Variants in DOCK2 observed in about 807,000 individuals in gnomAD.
DOCK2 encodes the protein dedicator of cytokinesis 2, also known as dedicator of cytokinesis protein 2.
A neutral mutation model predicts 248.9 loss-of-function variants in DOCK2; 87 were observed. The ratio of observed to expected loss-of-function variants is 0.35; its 90% CI spans 0.29 to 0.42. DOCK2 has a LOEUF of 0.42. Among genes scored for constraint, DOCK2 ranks in the 10% least tolerant of loss-of-function variants. The probability of loss-of-function intolerance (pLI) is 1.00; values close to 1 mark genes in which losing one functional copy is unlikely to be tolerated. For synonymous variants in DOCK2, 805 were observed against 821.6 expected (o/e 0.98, Z 0.35); for missense variants, 1,747 against 2,300.2 (o/e 0.76, Z 4.92).
chr5:169,766,465 T>C (rs1301064214), intron 25 of DOCK2, among the ~76,000 whole-genome samples: 1 of 152,220 alleles, frequency 6.6e-6, no homozygotes, highest in Non-Finnish European at 1.5e-5. Context: ...CTTTATCCAG[T>C]CCACCATCAG....
At chr5:169,872,915 C>T (rs1041682789) in intron 27 of DOCK2, among the ~76,000 whole-genome samples, 36 of 152,282 alleles carry the variant, frequency 2.4e-4, no homozygotes, top group East Asian at 3.9e-4. Flanking sequence ...TGGAATGAAA[C>T]GATAGACATA....
intron 2 of DOCK2, among the ~76,000 whole-genome samples, chr5:169,656,367 A>C (rs1474563819): frequency 1.3e-5 from 2 of 151,240 alleles, no homozygotes; most frequent in Non-Finnish European, 2.9e-5. Context: ...TTTGTCTCCC[A>C]AGCTGGAGTG....
intron 27 of DOCK2, among the ~76,000 whole-genome samples, chr5:169,905,144 A>C (rs1463514146): frequency 6.6e-6 from 1 of 152,212 alleles, no homozygotes; most frequent in Non-Finnish European, 1.5e-5. Flanking sequence ...GAAGGGTTGC[A>C]AACTCACATG....
At chr5:170,025,905 G>A (rs1458863402) in intron 33 of DOCK2, among the ~76,000 whole-genome samples, 1 of 149,072 alleles carries the variant, frequency 6.7e-6, no homozygotes, top group Non-Finnish European at 1.5e-5. Context: ...AAGCTGAACT[G>A]CTGTCTTCAT....
At chr5:169,938,614 G>A (rs759733213) in intron 27 of DOCK2, among the ~76,000 whole-genome samples, 1 of 152,236 alleles carries the variant, frequency 6.6e-6, no homozygotes, top group Non-Finnish European at 1.5e-5. Context: ...GTTGCTCTGA[G>A]TGAATCAGTG....
intron 27 of DOCK2, among the ~76,000 whole-genome samples, chr5:169,880,927 G>A (rs1351571416): frequency 6.6e-6 from 1 of 152,186 alleles, no homozygotes; most frequent in Non-Finnish European, 1.5e-5. Context: ...GCCAAGTAAG[G>A]GCTTGGCATA....
intron 27 of DOCK2, among the ~76,000 whole-genome samples, chr5:169,922,822 A>G (rs1775244475): frequency 6.6e-6 from 1 of 152,164 alleles, no homozygotes. Context: ...TATCTGATAC[A>G]TTCTGGGTGG....
At chr5:169,739,652 C>A (rs1409537382) in intron 22 of DOCK2, among the ~76,000 whole-genome samples, 2 of 152,148 alleles carry the variant, frequency 1.3e-5, no homozygotes, top group African/African-American at 4.8e-5. Flanking sequence ...AATCATCTGG[C>A]AAGCCATTTT....
intron 44 of DOCK2, among the ~76,000 whole-genome samples, chr5:170,058,470 T>C (rs913759481): frequency 1.6e-4 from 24 of 151,850 alleles, no homozygotes; most frequent in South Asian, 6.3e-4. Context: ...ATATGAGGGA[T>C]TGCTATTTTA....
At chr5:170,038,233 G>C (rs1335575219) in intron 36 of DOCK2, among the ~76,000 whole-genome samples, 1 of 152,132 alleles carries the variant, frequency 6.6e-6, no homozygotes, top group African/African-American at 2.4e-5. Flanking sequence ...AAGTACTATA[G>C]GTAATATGGC....
At chr5:169,868,895 G>A (rs574177813) in intron 27 of DOCK2, among the ~76,000 whole-genome samples, 134 of 152,304 alleles carry the variant, frequency 8.8e-4, no homozygotes, top group Middle Eastern at 6.8e-3. Flanking sequence ...CCAACATAGA[G>A]GATGGAGTGA....
At chr5:169,848,269 C>T (rs1203341718) in intron 27 of DOCK2, among the ~76,000 whole-genome samples, 3 of 152,166 alleles carry the variant, frequency 2.0e-5, no homozygotes, top group African/African-American at 7.2e-5. Context: ...TTTGGGGGAA[C>T]AGATTGAGCA....
intron 27 of DOCK2, among the ~76,000 whole-genome samples, chr5:169,849,465 A>G (rs1226659261): frequency 1.3e-5 from 2 of 152,250 alleles, no homozygotes; most frequent in African/African-American, 2.4e-5. Context: ...TTTAAGGATA[A>G]TAATTGAGCA....
intron 22 of DOCK2, among the ~76,000 whole-genome samples, chr5:169,738,569 A>G (rs1029125326): frequency 6.6e-6 from 1 of 152,226 alleles, no homozygotes; most frequent in South Asian, 2.1e-4. Flanking sequence ...GTCCAAAAAC[A>G]GGCTTGGTTT....
intron 27 of DOCK2, among the ~76,000 whole-genome samples, chr5:169,937,952 A>G (rs1215527214): frequency 1.3e-5 from 2 of 152,224 alleles, no homozygotes; most frequent in Admixed American, 1.3e-4. Context: ...GCAGTGTAAC[A>G]GGAGGTGGAC....
At chr5:170,070,443 G>A (rs1757642418) in intron 46 of DOCK2, among the ~76,000 whole-genome samples, 1 of 152,236 alleles carries the variant, frequency 6.6e-6, no homozygotes. Flanking sequence ...GCACTGCACA[G>A]ACGCGCTTTT....
intron 1 of DOCK2, among the ~76,000 whole-genome samples, chr5:169,650,683 C>A (rs1463179324): frequency 2.6e-5 from 4 of 152,128 alleles, no homozygotes; most frequent in African/African-American, 7.2e-5. Context: ...CAATGTGAGT[C>A]CTTGCTGGAG....
chr5:169,657,192 G>A (rs1485986533), intron 2 of DOCK2, among the ~76,000 whole-genome samples: 1 of 152,094 alleles, frequency 6.6e-6, no homozygotes, highest in Non-Finnish European at 1.5e-5. Context: ...AAGTCTTCTT[G>A]GGGTGCCTTG....
intron 27 of DOCK2, among the ~76,000 whole-genome samples, chr5:169,969,317 C>A (rs1260299607): frequency 6.6e-6 from 1 of 151,704 alleles, no homozygotes; most frequent in African/African-American, 2.4e-5. Flanking sequence ...TGGTGTGGGG[C>A]ACTTGTAATC....
Sources: gnomAD v4.1 joint callset for allele counts (sites outside exome capture counted in the v4.1 genomes callset) on GRCh38, gnomAD v4.1.1 for gene constraint, MANE v1.5 for transcripts, NCBI Gene and HGNC (gene_info 2026-07-23, HGNC 2026-07-21) for gene names.